Variants in CDC42BPA observed in about 807,000 individuals in gnomAD.
CDC42BPA encodes the protein CDC42 binding protein kinase alpha.
In CDC42BPA, 80 loss-of-function variants were observed where a neutral mutation model predicts 223.5. The observed-to-expected ratio is 0.36, with a 90% confidence interval of 0.30 to 0.43. CDC42BPA has a LOEUF of 0.43. Among genes scored for constraint, CDC42BPA ranks in the 20% least tolerant of loss-of-function variants. CDC42BPA has a pLI of 1.00. For synonymous variants in CDC42BPA, 694 were observed against 718.6 expected (o/e 0.97, Z 0.55); for missense variants, 1,743 against 2,099.9 (o/e 0.83, Z 3.32).
At chr1:227,159,395 A>C (rs969950140) in intron 6 of CDC42BPA, among the ~76,000 whole-genome samples, 5 of 152,164 alleles carry the variant, frequency 3.3e-5, no homozygotes, top group Admixed American at 6.5e-5. Flanking sequence ...CTGAGGCAGA[A>C]GAATCACTTG....
At chr1:227,264,785 ACT>A (rs766635259) in intron 1 of CDC42BPA, 65 of 1,069,596 alleles carry the variant, frequency 6.1e-5, no homozygotes, top group Non-Finnish European at 8.6e-5. Context: ...AGAATCTTCC[ACT>A]GTTACCTCAG....
In CDC42BPA at chr1:227,048,131, TTAA is replaced by T. The variant is rs556195017; in HGVS notation, c.3010-124_3010-122del. On this transcript the variant is annotated intron_variant, in intron 22 of 36. Coordinates refer to ENST00000366766, the MANE Select transcript of CDC42BPA (RefSeq NM_001394014.1). ...TCAATAAGGCAAAAAGTTCTACTAA[TTAA>T]TAATAAAGAAAACCTCAATAAAGCT... 2,029 of 513,260 alleles carry T rather than the reference TTAA, an allele frequency of 4.0e-3. 9 individuals carry two copies. The highest frequency in any genetic ancestry group is 4.7e-3 in the Non-Finnish European group (1,383 of 295,064). 31.8% of individuals were successfully genotyped at this position (513,260 alleles called of 1,614,324 possible). A position where few individuals can be genotyped will look rare whatever the true frequency, so the allele number is the denominator to read the frequency against.
At chr1:227,241,446 T>C (rs1019269019) in intron 2 of CDC42BPA, among the ~76,000 whole-genome samples, 1 of 152,118 alleles carries the variant, frequency 6.6e-6, no homozygotes, top group African/African-American at 2.4e-5. Flanking sequence ...CAAATGTTCA[T>C]CAATAGGAAA....
In CDC42BPA at chr1:227,265,626, G is replaced by A. The variant is rs1384325770; in HGVS notation, c.179-11471C>T. ...CCTGGTGACGACAGAGCGAGACTCC[G>A]TCTTAAAAAAAAAAAAAAAAGATTC... is the stretch of plus-strand genomic sequence containing the variant. On this transcript the variant is annotated intron_variant, in intron 1 of 36. Coordinates refer to ENST00000366766, the MANE Select transcript of CDC42BPA (RefSeq NM_001394014.1). 8.2e-5 allele frequency among the ~76,000 whole-genome samples: 12 copies of A among 145,914 alleles called. No homozygotes were observed. In the South Asian group the frequency reaches 1.1e-3, roughly 13 times the overall value.
intron 11 of CDC42BPA, among the ~76,000 whole-genome samples, chr1:227,126,990 G>A (rs1449136022): frequency 6.6e-5 from 10 of 152,096 alleles, no homozygotes; most frequent in Admixed American, 6.6e-4. Flanking sequence ...CCACCTGCAG[G>A]TGACATGATT....
chr1:227,062,494 C>G (rs1163029197), intron 21 of CDC42BPA, among the ~76,000 whole-genome samples: 1 of 152,018 alleles, frequency 6.6e-6, no homozygotes, highest in African/African-American at 2.4e-5. Flanking sequence ...TTTGTCTTTC[C>G]AATTAGACTG....
At chr1:227,021,846 C>G (rs149240852) in intron 32 of CDC42BPA, among the ~76,000 whole-genome samples, 1 of 151,790 alleles carries the variant, frequency 6.6e-6, no homozygotes, top group Admixed American at 6.6e-5. Flanking sequence ...GGTGAAACCC[C>G]GTCTCTACTA....
In CDC42BPA at chr1:227,269,564, G is replaced by A. The variant is rs1037780007; in HGVS notation, c.179-15409C>T. Reference sequence around the variant, plus strand: ...TCTCCTGTAAGGTAAAAGATAACACGAACAAAGTTTAAGAAAAATAAAACA... The same window carrying A: ...TCTCCTGTAAGGTAAAAGATAACACAAACAAAGTTTAAGAAAAATAAAACA... On this transcript the variant is annotated intron_variant, in intron 1 of 36. Coordinates refer to ENST00000366766, the MANE Select transcript of CDC42BPA (RefSeq NM_001394014.1). Among the ~76,000 whole-genome samples the A allele has an allele frequency of 1.4e-4, 22 of 151,904 alleles. No homozygotes were observed. In the South Asian group the frequency reaches 1.5e-3, roughly 10 times the overall value.
At chr1:227,067,358 A>AAT (rs567075313) in intron 21 of CDC42BPA, among the ~76,000 whole-genome samples, 1 of 152,158 alleles carries the variant, frequency 6.6e-6, no homozygotes, top group Non-Finnish European at 1.5e-5. Flanking sequence ...TTTACAATCA[A>AAT]ATATATGTAC....
At chr1:227,079,931 A>G (rs992639301) in intron 17 of CDC42BPA, among the ~76,000 whole-genome samples, 1 of 139,804 alleles carries the variant, frequency 7.2e-6, no homozygotes, top group East Asian at 2.1e-4. Context: ...CCCAAGACAA[A>G]ACACAAAATT....
At chr1:227,099,118 G>T (rs1684525254) in intron 15 of CDC42BPA, among the ~76,000 whole-genome samples, 2 of 152,092 alleles carry the variant, frequency 1.3e-5, no homozygotes, top group Non-Finnish European at 2.9e-5. Context: ...GCTGTCGGCA[G>T]TATAAAAGTA....
chr1:227,040,101 A>C, intron 24 of CDC42BPA, 30 bp downstream of exon 24: 1 of 1,213,282 alleles, frequency 8.2e-7, no homozygotes, highest in East Asian at 2.3e-5. Flanking sequence ...TAGATAGTGA[A>C]GTCACATTTT....
chr1:227,296,706 C>T (rs1490846438), intron 1 of CDC42BPA, among the ~76,000 whole-genome samples: 4 of 79,732 alleles, frequency 5.0e-5, no homozygotes, highest in Non-Finnish European at 9.1e-5. Flanking sequence ...ACTCTCCCCA[C>T]ATCAAAAAAA....
At chr1:227,093,885 A>AAACCT (rs1263490886) in intron 15 of CDC42BPA, among the ~76,000 whole-genome samples, 1 of 152,218 alleles carries the variant, frequency 6.6e-6, no homozygotes, top group Non-Finnish European at 1.5e-5. Context: ...GTATTGCTTC[A>AAACCT]AACCTCTGCA....
intron 21 of CDC42BPA, among the ~76,000 whole-genome samples, chr1:227,053,019 C>G (rs1673856229): frequency 6.6e-6 from 1 of 152,144 alleles, no homozygotes. Context: ...AGTAGAAACA[C>G]TTGGAAAAGA....
intron 32 of CDC42BPA, among the ~76,000 whole-genome samples, chr1:227,019,252 T>G (rs1666911120): frequency 6.6e-6 from 1 of 152,222 alleles, no homozygotes; most frequent in Admixed American, 6.5e-5. Flanking sequence ...AGAAACCATT[T>G]TTTTTTGCTT....
intron 6 of CDC42BPA, among the ~76,000 whole-genome samples, chr1:227,148,946 T>TC (rs1661229287): frequency 6.6e-6 from 1 of 152,092 alleles, no homozygotes; most frequent in Admixed American, 6.6e-5. Flanking sequence ...TTGTTGGTTT[T>TC]CATTTCCTAG....
At chr1:227,192,470 T>C (rs964992933) in intron 5 of CDC42BPA, among the ~76,000 whole-genome samples, 6 of 152,200 alleles carry the variant, frequency 3.9e-5, no homozygotes, top group Admixed American at 1.3e-4. Flanking sequence ...TTCAGATGCA[T>C]GCCAAAGTTT....
intron 5 of CDC42BPA, among the ~76,000 whole-genome samples, chr1:227,167,276 A>G (rs1000227861): frequency 6.6e-6 from 1 of 152,224 alleles, no homozygotes; most frequent in Non-Finnish European, 1.5e-5. Flanking sequence ...ATCAATTCTT[A>G]AAAGGAATTT....
Sources: gnomAD v4.1 joint callset for allele counts (sites outside exome capture counted in the v4.1 genomes callset) on GRCh38, gnomAD v4.1.1 for gene constraint, MANE v1.5 for transcripts, NCBI Gene and HGNC (gene_info 2026-07-23, HGNC 2026-07-21) for gene names.